The following FUCA2 variants were observed in gnomAD, a reference collection of about 807,000 sequenced individuals.
FUCA2 encodes alpha-L-fucosidase 2, also known as plasma alpha-L-fucosidase.
Under a neutral mutation model 52.6 loss-of-function variants are expected in FUCA2, and 41 were observed. The observed-to-expected ratio is 0.78, with a 90% CI of 0.61 to 1.01. The LOEUF (loss-of-function observed/expected upper bound fraction) is 1.01. Ranked by LOEUF, FUCA2 falls within the 50% of genes least tolerant of loss-of-function variation. The pLI, the probability that FUCA2 is intolerant of heterozygous loss-of-function variation, is 0.00. For missense variants in FUCA2, 507 were observed against 569.5 expected (o/e 0.89, Z 1.12); for synonymous variants, 211 against 217.3 (o/e 0.97, Z 0.26).
chr6:143,501,588 G>A lies in FUCA2; in HGVS notation c.1154+344C>T, dbSNP rs1189255042. On this transcript the variant is annotated intron_variant, in intron 5 of 6. Coordinates refer to ENST00000002165, the MANE Select transcript of FUCA2 (RefSeq NM_032020.5). The surrounding 1 kb of genome is among the most constrained non-coding windows in gnomAD (Gnocchi z 6.1). Reference sequence around the variant, plus strand: ...ACATCTGCAAAAGTCAGAATTTACCGAACTGGTTAAACAGTAATCTCCGTT... The same window carrying A: ...ACATCTGCAAAAGTCAGAATTTACCAAACTGGTTAAACAGTAATCTCCGTT... Among the ~76,000 whole-genome samples the A allele has an allele frequency of 2.6e-5, 4 of 152,170 alleles. No homozygotes were observed. In the South Asian group the frequency reaches 6.2e-4, roughly 24 times the overall value.
Position 143,504,203 on chromosome 6 carries a change from A to C in FUCA2, c.462T>G (p.Asp154Glu). The change falls in exon 3 of 7, where the codon GAT (aspartate) becomes GAG (glutamate). Residue 154 changes from aspartate to glutamate, a missense_variant. Asp to Glu is a conservative substitution (Grantham distance 45). Transcript: ENST00000002165. This position sits in a 1 kb window ranked among gnomAD's most constrained non-coding sequence, Gnocchi z 4.4. Reference sequence around the variant, plus strand: ...TGACAATGTCCCTCTTGGGCCCCTCATCTATGGCATTCCAGTTCCACGAAT... The same window carrying C: ...TGACAATGTCCCTCTTGGGCCCCTCCTCTATGGCATTCCAGTTCCACGAAT... ...SEYSWNWNAI[D>E]EGPKRDIVKE... 2 of 1,614,120 alleles carry C rather than the reference A, an allele frequency of 1.2e-6. No homozygotes were observed. Among genetic ancestry groups the C allele is most frequent in the Non-Finnish European group, 1.7e-6 (2 of 1,180,012 alleles).
At chr6:143,498,557 TG>T (rs1015204518) in intron 5 of FUCA2, among the ~76,000 whole-genome samples, 7 of 152,130 alleles carry the variant, frequency 4.6e-5, no homozygotes, top group African/African-American at 1.4e-4. Context: ...GGAGCCCCAG[TG>T]CAAGAGTGTG....
chr6:143,502,439 GT>G lies in FUCA2; in HGVS notation c.878del (p.Asn293ThrfsTer3). ...PGHLLPHKWENCMTIDKLSWG... is the reference protein window; with the variant it reads ...PGHLLPHKWEXCMTIDKLSWG... Reference sequence around the variant, plus strand: ...AGGACAGTTTGTCTATTGTCATGCAGTTTTCCCATTTATGTGGCAAAAGATG... The same window carrying G: ...AGGACAGTTTGTCTATTGTCATGCAGTTTCCCATTTATGTGGCAAAAGATG... On this transcript the variant is annotated frameshift_variant, in exon 4 of 7. Transcript: ENST00000002165. LOFTEE classifies it high-confidence loss of function. This position sits in a 1 kb window ranked among gnomAD's most constrained non-coding sequence, Gnocchi z 4.1. 1 of 1,614,072 alleles carries G rather than the reference GT, an allele frequency of 6.2e-7. No homozygotes were observed. The highest frequency in any genetic ancestry group is 1.1e-5 in the South Asian group (1 of 91,066).
rs754674124 is a variant in FUCA2 at position 143,495,708 on chromosome 6, T to C, written c.1403A>G (p.Ter468=). 13 of 1,613,510 alleles carry C rather than the reference T, an allele frequency of 8.1e-6. No individual in the cohort carries two copies. In the South Asian group the frequency reaches 9.9e-5, roughly 12 times the overall value. Residue 468 remains the stop codon, a stop_retained_variant, in exon 7 of 7, where the codon TAA becomes TGA. Transcript: ENST00000002165. This position sits in a 1 kb window ranked among gnomAD's most constrained non-coding sequence, Gnocchi z 5.2. ...CAGCATCAGCCACTCTGCTGCACTT[T>C]AGATCACATTAGTCAGGGCTAGAGC... ...GWALALTNVI[*]
At position 143,501,824 on chromosome 6, in the gene FUCA2, T is replaced by C. The variant is rs556800615; in HGVS notation, c.1154+108A>G. On this transcript the variant is annotated intron_variant, in intron 5 of 6. Coordinates refer to ENST00000002165, the MANE Select transcript of FUCA2 (RefSeq NM_032020.5). This position sits in a 1 kb window ranked among gnomAD's most constrained non-coding sequence, Gnocchi z 6.1. ...CAAAGTTTGGAAAGTGCTTTGTATA[T>C]GTAGGAATTCATCCAATTTCTCTTT... The C allele has an allele frequency of 4.9e-4, 465 of 945,772 alleles. No homozygotes were observed. The highest frequency in any genetic ancestry group is 2.4e-3 in the Middle Eastern group (9 of 3,816). 58.6% of individuals were successfully genotyped at this position (945,772 alleles called of 1,614,324 possible). A position where few individuals can be genotyped will look rare whatever the true frequency, so the allele number is the denominator to read the frequency against.
Position 143,510,404 on chromosome 6 carries a change from C to T in FUCA2, c.224+1007G>A, listed in dbSNP as rs1199995637. On this transcript the variant is annotated intron_variant, in intron 1 of 6. Transcript: ENST00000002165. This position sits in a 1 kb window ranked among gnomAD's most constrained non-coding sequence, Gnocchi z 4.4. ...AAAGTCCTGGAATTACAGGTATGAG[C>T]CACCGCGGATCACCTGAGGTCAGGA... Among the ~76,000 whole-genome samples the T allele has an allele frequency of 6.6e-6, 1 of 151,960 alleles. No homozygotes were observed. The highest frequency in any genetic ancestry group is 2.4e-5 in the African/African-American group (1 of 41,370).
rs1265294422 is a variant in FUCA2 at position 143,500,198 on chromosome 6, T to G, written c.1154+1734A>C. On this transcript the variant is annotated intron_variant, in intron 5 of 6. Coordinates refer to ENST00000002165, the MANE Select transcript of FUCA2 (RefSeq NM_032020.5). This position sits in a 1 kb window ranked among gnomAD's most constrained non-coding sequence, Gnocchi z 6.9. ...TCAGGAGTTGGGTGTATGCAATAGATTAGTTACAGTGATGGGCCACAGAAT... is the reference window on the plus strand; with the variant it reads ...TCAGGAGTTGGGTGTATGCAATAGAGTAGTTACAGTGATGGGCCACAGAAT... 6.6e-6 allele frequency among the ~76,000 whole-genome samples: 1 copy of G among 151,894 alleles called. No individual in the cohort carries two copies. Among genetic ancestry groups the G allele is most frequent in the African/African-American group, 2.4e-5 (1 of 41,340 alleles).
rs1392984509 is a variant in FUCA2 at position 143,509,747 on chromosome 6, AAG to A, written c.224+1662_224+1663del. 6.6e-6 allele frequency among the ~76,000 whole-genome samples: 1 copy of A among 152,242 alleles called. No homozygotes were observed. Among genetic ancestry groups the A allele is most frequent in the Non-Finnish European group, 1.5e-5 (1 of 68,042 alleles). ...GTAGCTATGTTTTGGCATAAGAATAAAGAGTCTCTGTTTTAGAAGGTGAATTA... is the reference window on the plus strand; with the variant it reads ...GTAGCTATGTTTTGGCATAAGAATAAAGTCTCTGTTTTAGAAGGTGAATTA... On this transcript the variant is annotated intron_variant, in intron 1 of 6. Transcript: ENST00000002165. This position sits in a 1 kb window ranked among gnomAD's most constrained non-coding sequence, Gnocchi z 5.4.
Position 143,509,865 on chromosome 6 carries a change from G to A in FUCA2, c.224+1546C>T, listed in dbSNP as rs561962813. ...TAAGAAAGGTTACTGGTTGCAGGTAGTCAATTTCTTTGTCATGAAAGGGTT... is the reference window on the plus strand; with the variant it reads ...TAAGAAAGGTTACTGGTTGCAGGTAATCAATTTCTTTGTCATGAAAGGGTT... On this transcript the variant is annotated intron_variant, in intron 1 of 6. Coordinates refer to ENST00000002165, the MANE Select transcript of FUCA2 (RefSeq NM_032020.5). The surrounding 1 kb of genome is among the most constrained non-coding windows in gnomAD (Gnocchi z 5.4). Among the ~76,000 whole-genome samples, 63 of 152,308 alleles carry A rather than the reference G, an allele frequency of 4.1e-4. No individual in the cohort carries two copies. The highest frequency in any genetic ancestry group is 7.4e-4 in the Non-Finnish European group (50 of 68,026).
chr6:143,502,446 C>T lies in FUCA2; in HGVS notation c.872G>A (p.Trp291Ter). Reference protein sequence around the residue: ...YNPGHLLPHKWENCMTIDKLS... With the variant: ...YNPGHLLPHK ...TTTGTCTATTGTCATGCAGTTTTCCCATTTATGTGGCAAAAGATGTCCTGG... is the reference window on the plus strand; with the variant it reads ...TTTGTCTATTGTCATGCAGTTTTCCTATTTATGTGGCAAAAGATGTCCTGG... The change falls in exon 4 of 7, where the codon TGG becomes TAG. Residue 291 changes from tryptophan (W) to a stop codon, truncating the protein, a stop_gained. Transcript: ENST00000002165. LOFTEE classifies it high-confidence loss of function. The surrounding 1 kb of genome is among the most constrained non-coding windows in gnomAD (Gnocchi z 4.1). The T allele has an allele frequency of 6.2e-7, 1 of 1,614,096 alleles. No individual in the cohort carries two copies. The highest frequency in any genetic ancestry group is 1.3e-5 in the African/African-American group (1 of 75,030).
Position 143,502,006 on chromosome 6 carries a change from T to C in FUCA2, c.1080A>G (p.Leu360=). Residue 360 remains leucine, a synonymous_variant, in exon 5 of 7, where the codon CTA becomes CTG. Transcript: ENST00000002165. The surrounding 1 kb of genome is among the most constrained non-coding windows in gnomAD (Gnocchi z 4.1). ...CATAAATAGCTTCTCCATTGACTTT[T>C]AGCCAGGACCCCATTTGCCTCAGTC... ...EERLRQMGSW[L]KVNGEAIYET... 1 of 1,613,936 alleles carries C rather than the reference T, an allele frequency of 6.2e-7. No homozygotes were observed. Among genetic ancestry groups the C allele is most frequent in the Admixed American group, 1.7e-5 (1 of 59,958 alleles).
Position 143,511,298 on chromosome 6 carries a change from A to G in FUCA2, c.224+113T>C. The G allele has an allele frequency of 1.0e-6, 1 of 967,264 alleles. No homozygotes were observed. The highest frequency in any genetic ancestry group is 1.5e-6 in the Non-Finnish European group (1 of 673,372). The allele number at this position is 967,264 out of a possible 1,614,324, so 59.9% of individuals were successfully genotyped here. On this transcript the variant is annotated intron_variant, in intron 1 of 6. Transcript: ENST00000002165. This position sits in a 1 kb window ranked among gnomAD's most constrained non-coding sequence, Gnocchi z 6.3. ...CGCGGGTAACGCAGTGGGAGGTGAA[A>G]CCGACGAGGGTGCAGGCAGCACCAG...
In FUCA2 at chr6:143,502,507, G is replaced by A; in HGVS notation, c.811C>T (p.His271Tyr). The change falls in exon 4 of 7, where the codon CAT becomes TAT. Residue 271 changes from histidine (H) to tyrosine (Y), a missense_variant. By Grantham distance (83) the His-to-Tyr change is moderately conservative. Transcript: ENST00000002165. The surrounding 1 kb of genome is among the most constrained non-coding windows in gnomAD (Gnocchi z 4.1). Reference protein sequence around the residue: ...DRWGAGSICKHGGFYTCSDRY... With the variant: ...DRWGAGSICKYGGFYTCSDRY... ...TCACTGCAGGTATAGAAGCCACCAT[G>A]CTTACAGATGCTACCAGCTCCCCAA... is the stretch of plus-strand genomic sequence containing the variant. 6.2e-7 allele frequency: 1 copy of A among 1,614,070 alleles called. No individual in the cohort carries two copies. The highest frequency in any genetic ancestry group is 1.3e-5 in the African/African-American group (1 of 75,020).
chr6:143,508,242 A>G (rs1035794686), intron 1 of FUCA2, among the ~76,000 whole-genome samples: 1 of 152,264 alleles, frequency 6.6e-6, no homozygotes, highest in Non-Finnish European at 1.5e-5. Context: ...GCAATGGTAT[A>G]TTGACCCTAA....
intron 2 of FUCA2, chr6:143,505,857 T>G (rs560057611): frequency 6.6e-6 from 1 of 152,328 alleles, no homozygotes; most frequent in East Asian, 1.9e-4. Flanking sequence ...TGAAAACATC[T>G]GACAACATGG....
Position 143,499,601 on chromosome 6 carries a change from G to A in FUCA2, c.1155-2104C>T, listed in dbSNP as rs1040205816. Reference sequence around the variant, plus strand: ...CAAGATTTAGAGGTTGGAAAAATGAGATGAAATCAGCAAAGGAACTAACTA... The same window carrying A: ...CAAGATTTAGAGGTTGGAAAAATGAAATGAAATCAGCAAAGGAACTAACTA... On this transcript the variant is annotated intron_variant, in intron 5 of 6. Coordinates refer to ENST00000002165, the MANE Select transcript of FUCA2 (RefSeq NM_032020.5). This position sits in a 1 kb window ranked among gnomAD's most constrained non-coding sequence, Gnocchi z 6.0. Among the ~76,000 whole-genome samples, 1 of 152,148 alleles carries A rather than the reference G, an allele frequency of 6.6e-6. No individual in the cohort carries two copies. Among genetic ancestry groups the A allele is most frequent in the African/African-American group, 2.4e-5 (1 of 41,426 alleles).
chr6:143,494,971 A>G lies in FUCA2; in HGVS notation c.*736T>C, dbSNP rs1780435631. On this transcript the variant is annotated 3_prime_UTR_variant, in exon 7 of 7. Coordinates refer to ENST00000002165, the MANE Select transcript of FUCA2 (RefSeq NM_032020.5). The surrounding 1 kb of genome is among the most constrained non-coding windows in gnomAD (Gnocchi z 6.6). ...TTTATAAATGTAGTGTAGCCTAAGCATACAGTATTTATAAAGTCTGGCAGT... is the reference window on the plus strand; with the variant it reads ...TTTATAAATGTAGTGTAGCCTAAGCGTACAGTATTTATAAAGTCTGGCAGT... The G allele has an allele frequency of 6.6e-6, 1 of 152,226 alleles. No individual in the cohort carries two copies. Among genetic ancestry groups the G allele is most frequent in the African/African-American group, 2.4e-5 (1 of 41,452 alleles). 9.4% of individuals were successfully genotyped at this position (152,226 alleles called of 1,614,324 possible).
rs1010950289 is a variant in FUCA2 at position 143,499,328 on chromosome 6, G to A, written c.1155-1831C>T. 2.6e-5 allele frequency among the ~76,000 whole-genome samples: 4 copies of A among 152,272 alleles called. No individual in the cohort carries two copies. The highest frequency in any genetic ancestry group is 1.9e-4 in the East Asian group (1 of 5,180). ...AGCACTTTGGGAGGCCAAGGCAAGCGGGTCACCTGAGGTCAGGAGTTCGAG... is the reference window on the plus strand; with the variant it reads ...AGCACTTTGGGAGGCCAAGGCAAGCAGGTCACCTGAGGTCAGGAGTTCGAG... On this transcript the variant is annotated intron_variant, in intron 5 of 6. Transcript: ENST00000002165. This position sits in a 1 kb window ranked among gnomAD's most constrained non-coding sequence, Gnocchi z 6.0.
At position 143,499,164 on chromosome 6, in the gene FUCA2, T is replaced by C. The variant is rs147821819; in HGVS notation, c.1155-1667A>G. 2.1e-3 allele frequency among the ~76,000 whole-genome samples: 321 copies of C among 152,252 alleles called. 2 individuals are homozygous for C. Among genetic ancestry groups the C allele is most frequent in the African/African-American group, 7.5e-3 (311 of 41,544 alleles). On this transcript the variant is annotated intron_variant, in intron 5 of 6. Coordinates refer to ENST00000002165, the MANE Select transcript of FUCA2 (RefSeq NM_032020.5). This position sits in a 1 kb window ranked among gnomAD's most constrained non-coding sequence, Gnocchi z 6.0. The stretch of plus-strand genomic sequence containing the variant: ...TAAGTGGAAATGCTGAGTAGGAAGT[T>C]ATTGAGGCTGGAGTTCGGAAAGAGG...
Sources: allele counts gnomAD v4.1 joint callset (sites outside exome capture counted in the v4.1 genomes callset), GRCh38; gene constraint gnomAD v4.1.1; non-coding constraint Gnocchi (gnomAD v3.1); transcripts MANE v1.5; gene names NCBI Gene and HGNC (gene_info 2026-07-23, HGNC 2026-07-21).